The following CELF1 variants were observed in gnomAD, a reference collection of about 807,000 sequenced individuals.
The protein encoded by CELF1 is CUGBP Elav-like family member 1.
A neutral mutation model predicts 61.8 loss-of-function variants in CELF1; 10 were observed. The ratio of observed to expected loss-of-function variants is 0.16; its 90% confidence interval spans 0.10 to 0.27. The LOEUF is 0.27. Among genes scored for constraint, CELF1 ranks in the 10% least tolerant of loss-of-function variants. CELF1 has a pLI of 1.00. For missense variants in CELF1, 380 were observed against 639.1 expected, an observed-to-expected ratio of 0.59 and a Z score of 4.37; for synonymous variants, 236 against 225.1, an observed-to-expected ratio of 1.05 and a Z score of -0.43.
intron 1 of CELF1, among the ~76,000 whole-genome samples, chr11:47,518,683 C>G (rs1247686755): frequency 6.6e-6 from 1 of 152,212 alleles, no homozygotes; most frequent in Non-Finnish European, 1.5e-5. Flanking sequence ...TCTCCCCTGC[C>G]TCTTTTCTTA....
At chr11:47,514,914 C>T (rs1322436243) in intron 1 of CELF1, 1 of 152,180 alleles carries the variant, frequency 6.6e-6, no homozygotes. Context: ...AATGCCCACA[C>T]ACTGGGTGTA....
rs980546260 is a variant in CELF1, at chr11:47,469,464, A to G, written c.*2766T>C. ...GAAACAAAACTACAGCAGAAAACAC[A>G]TTGTAAGTGAAACCTTCACACAACA... On this transcript the variant is annotated 3_prime_UTR_variant, in exon 15 of 15. Coordinates refer to ENST00000687097, the MANE Select transcript of CELF1 (RefSeq NM_001376376.1). The G allele has an allele frequency of 2.6e-5, 4 of 152,304 alleles. No individual in the cohort carries two copies. Among genetic ancestry groups the G allele is most frequent in the Admixed American group, 1.3e-4 (2 of 15,288 alleles). The allele number at this position is 152,304 out of a possible 1,614,324, so 9.4% of individuals were successfully genotyped here. A position where few individuals can be genotyped will look rare whatever the true frequency, so the allele number is the denominator to read the frequency against.
intron 3 of CELF1, among the ~76,000 whole-genome samples, chr11:47,489,796 T>C (rs1324238426): frequency 6.6e-6 from 1 of 152,168 alleles, no homozygotes; most frequent in Admixed American, 6.5e-5. Context: ...GTACTTGTAA[T>C]TCTCCTATTT....
chr11:47,563,014 C>T (rs541194242), intron 2 of CELF1, among the ~76,000 whole-genome samples: 2 of 151,894 alleles, frequency 1.3e-5, no homozygotes, highest in Admixed American at 1.3e-4. Flanking sequence ...TGCCCAGTCC[C>T]GAGATCAGTT....
chr11:47,513,195 G>A (rs1418196489), intron 1 of CELF1, among the ~76,000 whole-genome samples: 1 of 152,156 alleles, frequency 6.6e-6, no homozygotes, highest in Non-Finnish European at 1.5e-5. Context: ...TTAAAATGTT[G>A]TTAGTGATTT....
chr11:47,526,298 T>C (rs557992319), intron 1 of CELF1, among the ~76,000 whole-genome samples: 1 of 152,012 alleles, frequency 6.6e-6, no homozygotes, highest in African/African-American at 2.4e-5. Flanking sequence ...CCAGCTTAGG[T>C]AACAAGAGCA....
chr11:47,541,320 A>G (rs1288011457), intron 1 of CELF1, among the ~76,000 whole-genome samples: 1 of 152,208 alleles, frequency 6.6e-6, no homozygotes, highest in Non-Finnish European at 1.5e-5. Context: ...CAAAAAGGTA[A>G]AAGAACAAGG....
At chr11:47,512,101 T>G (rs1486446350) in intron 1 of CELF1, among the ~76,000 whole-genome samples, 1 of 152,114 alleles carries the variant, frequency 6.6e-6, no homozygotes, top group Non-Finnish European at 1.5e-5. Context: ...CCACCCTCCT[T>G]GGCCTCCCAG....
intron 3 of CELF1, among the ~76,000 whole-genome samples, chr11:47,490,431 T>G (rs2090828231): frequency 6.6e-6 from 1 of 151,238 alleles, no homozygotes; most frequent in African/African-American, 2.4e-5. Flanking sequence ...GCTAGTTTTT[T>G]TTTTTTTTTT....
At chr11:47,545,152 G>A (rs745576517) in intron 1 of CELF1, among the ~76,000 whole-genome samples, 5 of 152,012 alleles carry the variant, frequency 3.3e-5, no homozygotes, top group South Asian at 2.1e-4. Context: ...AATTAAGACC[G>A]GGTGGAGTGG....
chr11:47,545,644 TTTC>T (rs1217809735), intron 1 of CELF1, among the ~76,000 whole-genome samples: 4 of 152,136 alleles, frequency 2.6e-5, no homozygotes, highest in East Asian at 1.9e-4. Flanking sequence ...CTTATTTCTA[TTTC>T]TTCTTTTTTT....
rs2085393992 is a variant in CELF1 at position 47,484,498 on chromosome 11, A to G, written c.417T>C (p.Ile139=). The part of the protein sequence containing the change: ...NNAVEDRKLF[I]GMISKKCTEN... ...CAGTGCACTTCTTGGAAATCATACC[A>G]ATAAACAGCTTCCTGTCTTCCACTG... Residue 139 remains isoleucine, a synonymous_variant, in exon 7 of 15, where the codon ATT becomes ATC. Coordinates refer to ENST00000687097, the MANE Select transcript of CELF1 (RefSeq NM_001376376.1). 2 of 1,612,360 alleles carry G rather than the reference A, an allele frequency of 1.2e-6. No homozygotes were observed. Among genetic ancestry groups the G allele is most frequent in the African/African-American group, 2.7e-5 (2 of 74,744 alleles).
Position 47,488,777 on chromosome 11 carries a change from C to G in CELF1, c.259+60G>C, listed in dbSNP as rs557501376. On this transcript the variant is annotated intron_variant, in intron 4 of 14. Coordinates refer to ENST00000687097, the MANE Select transcript of CELF1 (RefSeq NM_001376376.1). ...TTGTATCCTGTTAAAAACCCAAAGC[C>G]CTCACCTGCTCTGAGAGTCAGTGGA... is the stretch of plus-strand genomic sequence containing the variant. 13 of 1,310,530 alleles carry G rather than the reference C, an allele frequency of 9.9e-6. No homozygotes were observed. The African/African-American group carries it at 2.0e-4, about 20-fold the overall frequency. The allele number at this position is 1,310,530 out of a possible 1,614,324, so 81.2% of individuals were successfully genotyped here.
rs80044866 is a variant in CELF1 at position 47,511,743 on chromosome 11, C to G, written c.-153-10811G>C. 6.4e-3 allele frequency among the ~76,000 whole-genome samples: 970 copies of G among 152,288 alleles called. 6 individuals carry two copies. Among genetic ancestry groups the G allele is most frequent in the African/African-American group, 0.022 (926 of 41,540 alleles). On this transcript the variant is annotated intron_variant, in intron 1 of 14. Transcript: ENST00000687097. ...AGATGAAATGACTCCCTCAAGATCA[C>G]AGAGATCCGGGCTAAGAAGGCTGCT...
chr11:47,481,099 CTTCTTTTTTTTTTTTTTTTTTTTTTTT>C (rs2082909949), intron 9 of CELF1, among the ~76,000 whole-genome samples: 3 of 62,294 alleles, frequency 4.8e-5, no homozygotes, highest in Non-Finnish European at 9.5e-5. Context: ...TTTTTTTCTT[CTTCTTTTTTTTTTTTTTTTTTTTTTTT>C]TGTGAGACAG....
intron 13 of CELF1, among the ~76,000 whole-genome samples, chr11:47,473,726 T>C (rs2078732802): frequency 6.6e-6 from 1 of 152,192 alleles, no homozygotes; most frequent in African/African-American, 2.4e-5. Flanking sequence ...GTGGTGATGG[T>C]TGCAGGACTA....
intron 1 of CELF1, among the ~76,000 whole-genome samples, chr11:47,512,565 C>G (rs930777248): frequency 5.3e-5 from 8 of 151,466 alleles, no homozygotes; most frequent in Admixed American, 3.3e-4. Context: ...GTCTCGAACT[C>G]CTGACCTCAA....
intron 13 of CELF1, 122 bp downstream of exon 13, chr11:47,475,214 G>A: frequency 8.1e-6 from 7 of 863,950 alleles, no homozygotes; most frequent in Non-Finnish European, 1.1e-5. Context: ...ACTTGACACT[G>A]TCAAAGAAAA....
chr11:47,482,831 T>C lies in CELF1; in HGVS notation c.632A>G (p.Lys211Arg). The change falls in exon 9 of 15, where the codon AAA becomes AGA. Residue 211 changes from lysine to arginine, a missense_variant. By Grantham distance (26) the Lys-to-Arg change is conservative. Coordinates refer to ENST00000687097, the MANE Select transcript of CELF1 (RefSeq NM_001376376.1). Reference protein sequence around the residue: ...MEGCSSPMVVKFADTQKDKEQ... With the variant: ...MEGCSSPMVVRFADTQKDKEQ... ...TTTGTCCTTCTGTGTATCAGCAAAT[T>C]TTACCACCATGGGTGATGAGCAACC... 1 of 1,613,998 alleles carries C rather than the reference T, an allele frequency of 6.2e-7. No homozygotes were observed. Among genetic ancestry groups the C allele is most frequent in the Non-Finnish European group, 8.5e-7 (1 of 1,179,970 alleles).
Sources: allele counts gnomAD v4.1 joint callset (sites outside exome capture counted in the v4.1 genomes callset), GRCh38; gene constraint gnomAD v4.1.1; transcripts MANE v1.5; gene names NCBI Gene and HGNC (gene_info 2026-07-23, HGNC 2026-07-21).